Variants in HIP1 observed in about 807,000 individuals in gnomAD.
HIP1 encodes the protein huntingtin interacting protein 1, also known as huntingtin-interacting protein 1.
In HIP1, 65 loss-of-function variants were observed where a neutral mutation model predicts 147.6. The ratio of observed to expected loss-of-function variants is 0.44; its 90% CI spans 0.36 to 0.54. HIP1 has a LOEUF of 0.54. Among genes scored for constraint, HIP1 ranks in the 20% least tolerant of loss-of-function variants. HIP1 has a pLI of 0.00. For missense variants in HIP1, 1,061 were observed against 1,299.6 expected (o/e 0.82, Z 2.82); for synonymous variants, 479 against 504.0 (o/e 0.95, Z 0.67).
At position 75,622,887 on chromosome 7, in the gene HIP1, ATC is replaced by A. The variant is rs782430503; in HGVS notation, c.121-23642_121-23641del. On this transcript the variant is annotated intron_variant, in intron 1 of 30. Transcript: ENST00000336926. Reference sequence around the variant, plus strand: ...TATCTATCTATCTATCTATCTATCTATCTATCTATATATTTTTTAAAGGAAAT... The same window carrying A: ...TATCTATCTATCTATCTATCTATCTATATCTATATATTTTTTAAAGGAAAT... Among the ~76,000 whole-genome samples, 29 of 145,178 alleles carry A rather than the reference ATC, an allele frequency of 2.0e-4. 1 individual carries two copies. Among genetic ancestry groups the A allele is most frequent in the African/African-American group, 4.6e-4 (18 of 39,086 alleles).
intron 1 of HIP1, among the ~76,000 whole-genome samples, chr7:75,639,943 C>T (rs1040949824): frequency 6.6e-6 from 1 of 152,206 alleles, no homozygotes; most frequent in Non-Finnish European, 1.5e-5. Flanking sequence ...ACAGCCAGCC[C>T]TTCCTGGAGT....
At chr7:75,697,837 A>G (rs1163010020) in intron 1 of HIP1, among the ~76,000 whole-genome samples, 2 of 152,232 alleles carry the variant, frequency 1.3e-5, no homozygotes, top group Non-Finnish European at 2.9e-5. Flanking sequence ...AAAAGTTTCA[A>G]AAAGAATCCT....
chr7:75,731,491 A>C (rs991322458), intron 1 of HIP1, among the ~76,000 whole-genome samples: 7 of 151,712 alleles, frequency 4.6e-5, no homozygotes, highest in Middle Eastern at 3.4e-3. Context: ...AAAAAAAAAA[A>C]AAAAAAAACG....
intron 22 of HIP1, among the ~76,000 whole-genome samples, chr7:75,553,132 TTCACCC>T (rs1794850519): frequency 1.3e-5 from 2 of 152,074 alleles, no homozygotes; most frequent in African/African-American, 4.8e-5. Flanking sequence ...GAGACAGGGT[TTCACCC>T]TGTTGGCCAG....
At chr7:75,705,191 A>G (rs1460241262) in intron 1 of HIP1, among the ~76,000 whole-genome samples, 4 of 151,918 alleles carry the variant, frequency 2.6e-5, no homozygotes, top group African/African-American at 9.7e-5. Flanking sequence ...CCTTCCCCCA[A>G]GCCCCTGGCA....
intron 1 of HIP1, among the ~76,000 whole-genome samples, chr7:75,653,617 G>A (rs60910345): frequency 2.0e-5 from 3 of 152,134 alleles, no homozygotes; most frequent in Admixed American, 6.6e-5. Flanking sequence ...CCAGCACTTC[G>A]GGAGGCTGAG....
intron 1 of HIP1, among the ~76,000 whole-genome samples, chr7:75,710,501 CA>C (rs1178788623): frequency 6.6e-6 from 1 of 152,140 alleles, no homozygotes; most frequent in Non-Finnish European, 1.5e-5. Context: ...GCTTTGGTAT[CA>C]GGGTAATCCT....
intron 4 of HIP1, among the ~76,000 whole-genome samples, chr7:75,588,477 A>C (rs140437468): frequency 6.6e-6 from 1 of 152,322 alleles, no homozygotes; most frequent in Non-Finnish European, 1.5e-5. Context: ...GGGCATAATA[A>C]ATTGTAAAGG....
At chr7:75,573,241 A>C (rs1554497013) in intron 8 of HIP1, among the ~76,000 whole-genome samples, 1 of 152,102 alleles carries the variant, frequency 6.6e-6, no homozygotes, top group African/African-American at 2.4e-5. Context: ...CTGAGGCTTC[A>C]GAGACCTGCA....
chr7:75,535,279 G>A lies in HIP1; in HGVS notation c.*2893C>T, dbSNP rs587613388. 5 of 201,512 alleles carry A rather than the reference G, an allele frequency of 2.5e-5. No individual in the cohort carries two copies. The highest frequency in any genetic ancestry group is 4.1e-5 in the Non-Finnish European group (4 of 97,924). The allele number at this position is 201,512 out of a possible 1,614,324, so 12.5% of individuals were successfully genotyped here. On this transcript the variant is annotated 3_prime_UTR_variant, in exon 31 of 31. Transcript: ENST00000336926. The stretch of plus-strand genomic sequence containing the variant: ...TTTGTTTTTAAAGAGATGGAGTCTC[G>A]CTCTGTCACTCAGGCTGGAGTGCAG...
At chr7:75,573,631 G>A in intron 8 of HIP1, 130 bp downstream of exon 8, 1 of 905,204 alleles carries the variant, frequency 1.1e-6, no homozygotes, top group South Asian at 1.7e-5. Context: ...AGAAGCTCCG[G>A]GGCCTTTTGG....
chr7:75,722,094 A>T (rs1293158650), intron 1 of HIP1, among the ~76,000 whole-genome samples: 2 of 152,156 alleles, frequency 1.3e-5, no homozygotes, highest in East Asian at 3.9e-4. Context: ...ACTTGAGGCC[A>T]GGAGTTCAAG....
chr7:75,570,600 A>T (rs1379956876), intron 8 of HIP1, among the ~76,000 whole-genome samples: 1 of 152,008 alleles, frequency 6.6e-6, no homozygotes, highest in East Asian at 1.9e-4. Context: ...CAGTTGTGGC[A>T]AATGTTTCAT....
rs587615844 is a variant in HIP1 at position 75,541,812 on chromosome 7, T to A, written c.2952+107A>T. The stretch of plus-strand genomic sequence containing the variant: ...AGATTTACATTCAGTCTTGGGTTAG[T>A]AGGTGCACCTGTGTTCATTTCCCTC... On this transcript the variant is annotated intron_variant, in intron 29 of 30. Transcript: ENST00000336926. The A allele has an allele frequency of 2.5e-5, 20 of 787,080 alleles. No homozygotes were observed. The East Asian group carries it at 4.7e-4, about 18-fold the overall frequency. The allele number at this position is 787,080 out of a possible 1,614,324, so 48.8% of individuals were successfully genotyped here.
chr7:75,541,971 T>A lies in HIP1; in HGVS notation c.2900A>T (p.Asp967Val), dbSNP rs1039253151. The change falls in exon 29 of 31, where the codon GAC becomes GTC. Residue 967 changes from aspartate (D) to valine (V), a missense_variant. Physicochemically the swap from Asp to Val is radical, Grantham distance 152. This residue lies in a region of HIP1 where 810 missense variants were observed against 946.8 expected (regional missense o/e 0.86). Coordinates refer to ENST00000336926, the MANE Select transcript of HIP1 (RefSeq NM_005338.7). ...KSQIEETDNM[D>V]FSSMTLTQIK... is the part of the protein sequence containing the mutation. The stretch of plus-strand genomic sequence containing the variant: ...CTGTGTCAGCGTCATGCTTGAGAAG[T>A]CCATGTTGTCTGCAAGGATGGAAAC... 17 of 1,613,818 alleles carry A rather than the reference T, an allele frequency of 1.1e-5. No homozygotes were observed. Among genetic ancestry groups the A allele is most frequent in the Non-Finnish European group, 1.4e-5 (16 of 1,179,708 alleles).
chr7:75,664,763 A>G (rs533179387), intron 1 of HIP1, among the ~76,000 whole-genome samples: 1 of 152,052 alleles, frequency 6.6e-6, no homozygotes, highest in Admixed American at 6.6e-5. Flanking sequence ...TGGGATTACA[A>G]GCATGCACCA....
At chr7:75,540,713 A>G (rs1189198781) in intron 29 of HIP1, among the ~76,000 whole-genome samples, 4 of 152,190 alleles carry the variant, frequency 2.6e-5, no homozygotes, top group Admixed American at 1.3e-4. Flanking sequence ...TAGAAAAACT[A>G]TGTCAATTTT....
rs143183301 is a variant in HIP1, at chr7:75,613,085, T to TCACACACA, written c.121-13846_121-13839dup. Among the ~76,000 whole-genome samples, 103 of 148,216 alleles carry TCACACACA rather than the reference T, an allele frequency of 6.9e-4. 1 individual carries two copies. Among genetic ancestry groups the TCACACACA allele is most frequent in the Admixed American group, 2.2e-3 (33 of 14,694 alleles). On this transcript the variant is annotated intron_variant, in intron 1 of 30. Transcript: ENST00000336926. ...TACCACTGCACCACTCCAACTTGGG[T>TCACACACA]CACACACACACACACACACACATGC...
At chr7:75,685,347 C>A (rs1172850538) in intron 1 of HIP1, among the ~76,000 whole-genome samples, 1 of 152,144 alleles carries the variant, frequency 6.6e-6, no homozygotes, top group African/African-American at 2.4e-5. Flanking sequence ...GGTGCCCCAG[C>A]CGCTCCATCT....
Sources: gnomAD v4.1 joint callset for allele counts (sites outside exome capture counted in the v4.1 genomes callset) on GRCh38, gnomAD v4.1.1 for gene constraint, gnomAD v4.1.1 regional missense constraint, MANE v1.5 for transcripts, NCBI Gene and HGNC (gene_info 2026-07-23, HGNC 2026-07-21) for gene names.